MCF2: variants seen among roughly 807,000 people sequenced by gnomAD.
MCF2 encodes proto-oncogene DBL.
MCF2 carries 44 observed loss-of-function variants against 82.5 expected under a neutral mutation model. The ratio of observed to expected loss-of-function variants is 0.53; its 90% CI spans 0.42 to 0.69. The LOEUF (loss-of-function observed/expected upper bound fraction) is 0.69. MCF2 is among the 30% of genes least tolerant of loss of function. The pLI is 0.00. For missense variants in MCF2, 623 were observed against 663.1 expected (o/e 0.94, Z 0.66); for synonymous variants, 217 against 224.9 (o/e 0.96, Z 0.32).
At chrX:139,692,851 AACAC>A in intron 1 of MCF2, among the ~76,000 whole-genome samples, 1 of 112,136 alleles carries the variant, frequency 8.9e-6, no homozygotes, top group Middle Eastern at 4.6e-3. Flanking sequence ...GATGCAAACA[AACAC>A]ACAGACATAC....
exon 7 of MCF2, chrX:139,619,611 C>G (rs752866719): frequency 2.9e-5 from 33 of 1,156,013 alleles, no homozygotes; most frequent in South Asian, 5.8e-5. Flanking sequence ...CTAAGTTTTC[C>G]AATTTTTTTA....
intron 7 of MCF2, 93 bp downstream of exon 10, chrX:139,619,494 A>G (rs1932172192): frequency 1.5e-6 from 1 of 647,074 alleles, no homozygotes; most frequent in Non-Finnish European, 2.1e-6. Flanking sequence ...ATAAAAATAA[A>G]GAAATTAATA....
rs184840244 is a variant in MCF2, at chrX:139,651,290, A to G, written c.25+430T>C. Among the ~76,000 whole-genome samples, 5 of 110,058 alleles carry G rather than the reference A, an allele frequency of 4.5e-5. No individual in the cohort carries two copies. In the East Asian group the frequency reaches 1.4e-3, roughly 31 times the overall value. On this transcript the variant is annotated intron_variant, in intron 2 of 27. Coordinates refer to the MCF2 transcript ENST00000414978. ...CTTTATAATGTGTAAATGAAATCCT[A>G]AAAAAAAATACTTAGTGCATGCTGA... is the stretch of plus-strand genomic sequence containing the variant.
At chrX:139,581,878 A>G (rs1319826707) in exon 25 of MCF2, 1 of 112,751 alleles carries the variant, frequency 8.9e-6, no homozygotes, top group African/African-American at 3.2e-5. Flanking sequence ...GCAGAAATCC[A>G]GAAAAAAAGT....
chrX:139,586,992 G>A (rs752841342), intron 22 of MCF2, among the ~76,000 whole-genome samples: 1 of 111,502 alleles, frequency 9.0e-6, no homozygotes, highest in Non-Finnish European at 1.9e-5. Context: ...AAATCTCCAC[G>A]TGAACCACCA....
chrX:139,666,468 T>G (rs145238489), intron 1 of MCF2, among the ~76,000 whole-genome samples: 1,616 of 111,758 alleles, frequency 0.014, 24 homozygotes, highest in African/African-American at 0.049. Context: ...TTATAAAGGA[T>G]AGTTTATTGG....
intron 24 of MCF2, 136 bp from the exon 29 acceptor site, chrX:139,582,639 T>C: frequency 4.8e-6 from 2 of 412,569 alleles, no homozygotes; most frequent in Non-Finnish European, 8.6e-6. Flanking sequence ...CTTTTATATG[T>C]TTTCCTTAGT....
intron 19 of MCF2, among the ~76,000 whole-genome samples, chrX:139,594,064 T>G (rs1482141858): frequency 1.0e-4 from 11 of 110,437 alleles, no homozygotes; most frequent in African/African-American, 1.6e-4. Flanking sequence ...CACTGCTCAA[T>G]GAAATAAAAG....
At chrX:139,629,150 A>T (rs1037929096) in intron 4 of MCF2, among the ~76,000 whole-genome samples, 3 of 112,244 alleles carry the variant, frequency 2.7e-5, no homozygotes, top group African/African-American at 9.7e-5. Flanking sequence ...AAAAACCTAG[A>T]TGGATAGCCT....
At chrX:139,619,391 C>T (rs952942240) in intron 7 of MCF2, among the ~76,000 whole-genome samples, 196 bp downstream of exon 10, 1 of 110,233 alleles carries the variant, frequency 9.1e-6, no homozygotes, top group African/African-American at 3.3e-5. Context: ...GTATACTGTT[C>T]GGGTGATGGG....
At chrX:139,583,948 C>T (rs1928692646) in intron 24 of MCF2, among the ~76,000 whole-genome samples, 1 of 110,188 alleles carries the variant, frequency 9.1e-6, no homozygotes, top group South Asian at 3.9e-4. Flanking sequence ...GGTAATAAAG[C>T]CCGCTCTTTT....
chrX:139,655,516 G>C lies in MCF2; in HGVS notation c.-44-3728C>G, dbSNP rs148907719. Among the ~76,000 whole-genome samples the C allele has an allele frequency of 9.9e-3, 1,109 of 111,730 alleles. 12 individuals carry two copies. Among genetic ancestry groups the C allele is most frequent in the African/African-American group, 0.034 (1,042 of 30,778 alleles). ...TACTGAATTTGTTTATCAGTTCTAA[G>C]AGTTTTTTATTATTATTATTATACT... On this transcript the variant is annotated intron_variant, in intron 1 of 27. Coordinates refer to the MCF2 transcript ENST00000414978.
At chrX:139,604,657 T>C in intron 15 of MCF2, 24 bp downstream of exon 19, 1 of 1,033,058 alleles carries the variant, frequency 9.7e-7, no homozygotes, top group South Asian at 2.3e-5. Flanking sequence ...TATTTATATA[T>C]ATTTAAAAAA....
chrX:139,599,931 T>C (rs1261621293), intron 16 of MCF2, among the ~76,000 whole-genome samples: 1 of 111,944 alleles, frequency 8.9e-6, no homozygotes, highest in Non-Finnish European at 1.9e-5. Context: ...AATCAATGAA[T>C]GGATAAATAA....
At chrX:139,697,840 C>A (rs575985774) in intron 1 of MCF2, among the ~76,000 whole-genome samples, 5 of 112,278 alleles carry the variant, frequency 4.5e-5, no homozygotes, top group Admixed American at 2.8e-4. Flanking sequence ...AGAAGTAGCC[C>A]CTTTAAAACT....
intron 2 of MCF2, among the ~76,000 whole-genome samples, chrX:139,650,480 A>T (rs1933961445): frequency 2.0e-5 from 2 of 100,665 alleles, no homozygotes; most frequent in Admixed American, 1.1e-4. Flanking sequence ...AATTAATTAA[A>T]CTATTTAGAA....
chrX:139,663,188 A>C (rs1164696105), intron 1 of MCF2, among the ~76,000 whole-genome samples: 2 of 112,158 alleles, frequency 1.8e-5, no homozygotes, highest in Non-Finnish European at 3.8e-5. Context: ...TGAAATGGTA[A>C]TTGTATTTTT....
chrX:139,651,435 A>G (rs1193126232), intron 2 of MCF2, among the ~76,000 whole-genome samples: 5 of 111,335 alleles, frequency 4.5e-5, no homozygotes, highest in Admixed American at 2.9e-4. Flanking sequence ...ACTTTCAACT[A>G]TCATAGATTT....
chrX:139,702,528 C>G (rs1006915111), intron 1 of MCF2: 20 of 112,538 alleles, frequency 1.8e-4, no homozygotes, highest in African/African-American at 5.5e-4. Context: ...GTTCAGGGAA[C>G]AGTGAACTTT....
Sources: gnomAD v4.1 joint callset for allele counts (sites outside exome capture counted in the v4.1 genomes callset) on GRCh38, gnomAD v4.1.1 for gene constraint, MANE v1.5 for transcripts, NCBI Gene and HGNC (gene_info 2026-07-23, HGNC 2026-07-21) for gene names.